Variants in NTM observed in about 807,000 individuals in gnomAD.
NTM encodes the protein neurotrimin, also known as IgLON family member 2.
In NTM, 13 loss-of-function variants were observed where a neutral mutation model predicts 42.1. That is an observed-to-expected ratio of 0.31 (90% CI 0.20 to 0.49). NTM has a LOEUF of 0.49. NTM is among the 20% of genes least tolerant of loss of function. The pLI is 0.99. For synonymous variants in NTM, 187 were observed against 179.2 expected (o/e 1.04, Z -0.35); for missense variants, 373 against 452.8 (o/e 0.82, Z 1.60).
chr11:131,643,042 A>T (rs1334006632), intron 1 of NTM, among the ~76,000 whole-genome samples: 1 of 140,382 alleles, frequency 7.1e-6, no homozygotes, highest in Non-Finnish European at 1.5e-5. Flanking sequence ...CACTTAAAGG[A>T]AAAAGAATGA....
At chr11:131,451,761 A>C (rs2136048888) in intron 1 of NTM, among the ~76,000 whole-genome samples, 1 of 151,830 alleles carries the variant, frequency 6.6e-6, no homozygotes, top group Admixed American at 6.5e-5. Context: ...TGATCTGGAG[A>C]CCCTGGGGTC....
rs141448220 is a variant in NTM at position 131,371,530 on chromosome 11, C to A, written c.82+642C>A. Reference sequence around the variant, plus strand: ...GCCGGGGCTCTGAAATTCTAAAAAGCTTTTCGAAGTTGAAGGGAGAGAGGC... The same window carrying A: ...GCCGGGGCTCTGAAATTCTAAAAAGATTTTCGAAGTTGAAGGGAGAGAGGC... On this transcript the variant is annotated intron_variant, in intron 1 of 8. Transcript: ENST00000683400. 2.6e-5 allele frequency among the ~76,000 whole-genome samples: 4 copies of A among 152,218 alleles called. No individual in the cohort carries two copies. The East Asian group carries it at 7.7e-4, about 29-fold the overall frequency.
Position 131,963,365 on chromosome 11 carries a change from A to G in NTM, c.167+51717A>G, listed in dbSNP as rs537742267. ...TAATGGACTGCAAGTAAACCTGCTC[A>G]ACTTTTGCCTGGGAGGGAAATATTA... On this transcript the variant is annotated intron_variant, in intron 2 of 8. Coordinates refer to ENST00000683400, the MANE Select transcript of NTM (RefSeq NM_001352005.2). Among the ~76,000 whole-genome samples, 10 of 152,300 alleles carry G rather than the reference A, an allele frequency of 6.6e-5. No individual in the cohort carries two copies. In the South Asian group the frequency reaches 2.1e-3, roughly 32 times the overall value.
intron 1 of NTM, among the ~76,000 whole-genome samples, chr11:131,687,897 T>C (rs939781687): frequency 6.6e-6 from 1 of 152,112 alleles, no homozygotes; most frequent in African/African-American, 2.4e-5. Flanking sequence ...ATCCCCTTGG[T>C]GCCGAATGTG....
rs142432156 is a variant in NTM, at chr11:132,160,320, A to G, written c.400+13806A>G. Among the ~76,000 whole-genome samples, 1,397 of 152,330 alleles carry G rather than the reference A, an allele frequency of 9.2e-3. 14 individuals carry two copies. Among genetic ancestry groups the G allele is most frequent in the Middle Eastern group, 0.031 (9 of 294 alleles). ...ACAGGTGACAGCTAATGCACCAGGA[A>G]GTGCCCTCAAGGGTCAGCCTTGGCC... On this transcript the variant is annotated intron_variant, in intron 3 of 8. Coordinates refer to ENST00000683400, the MANE Select transcript of NTM (RefSeq NM_001352005.2).
At chr11:132,266,382 G>A (rs140964697) in intron 4 of NTM, among the ~76,000 whole-genome samples, 2 of 152,288 alleles carry the variant, frequency 1.3e-5, no homozygotes, top group Non-Finnish European at 2.9e-5. Context: ...CCTAGTAGTG[G>A]CATCTGAGGC....
intron 2 of NTM, among the ~76,000 whole-genome samples, chr11:132,058,078 C>T (rs1373545739): frequency 6.6e-6 from 1 of 152,134 alleles, no homozygotes; most frequent in Non-Finnish European, 1.5e-5. Flanking sequence ...GCTCTGATCC[C>T]TCTGATTTGA....
At chr11:132,264,690 C>T (rs902908399) in intron 4 of NTM, among the ~76,000 whole-genome samples, 3 of 152,196 alleles carry the variant, frequency 2.0e-5, no homozygotes, top group African/African-American at 7.2e-5. Context: ...TCCTCCCAGG[C>T]ATATCACATG....
chr11:131,629,335 G>C (rs941081054), intron 1 of NTM, among the ~76,000 whole-genome samples: 2 of 152,114 alleles, frequency 1.3e-5, no homozygotes, highest in African/African-American at 2.4e-5. Flanking sequence ...TGATAGAATG[G>C]AGTCAGGCTT....
chr11:132,104,935 A>ATGTGTG lies in NTM; in HGVS notation c.168-41344_168-41343insGTGTGT, dbSNP rs202203556. On this transcript the variant is annotated intron_variant, in intron 2 of 8. Transcript: ENST00000683400. Reference sequence around the variant, plus strand: ...CCTCTCTCTCTCTCCATATATACATATGTATATATATATATATATATATAT... The same window carrying ATGTGTG: ...CCTCTCTCTCTCTCCATATATACATATGTGTGTGTATATATATATATATATATATAT... 8.4e-3 allele frequency among the ~76,000 whole-genome samples: 168 copies of ATGTGTG among 19,992 alleles called. 7 individuals are homozygous for ATGTGTG. Among genetic ancestry groups the ATGTGTG allele is most frequent in the African/African-American group, 0.023 (120 of 5,252 alleles). The allele number at this position is 19,992 out of a possible 152,430, so 13.1% of individuals were successfully genotyped here. A position where few individuals can be genotyped will look rare whatever the true frequency, so the allele number is the denominator to read the frequency against.
At chr11:131,413,828 A>G (rs1055755400) in intron 1 of NTM, among the ~76,000 whole-genome samples, 1 of 152,202 alleles carries the variant, frequency 6.6e-6, no homozygotes, top group Admixed American at 6.5e-5. Context: ...AAAGGCAGGA[A>G]AAATGAGTCC....
chr11:132,259,505 C>T (rs1566599827), intron 4 of NTM, among the ~76,000 whole-genome samples: 2 of 151,872 alleles, frequency 1.3e-5, no homozygotes. Flanking sequence ...CATGGTGAAA[C>T]ACCATCTCTA....
At chr11:132,317,775 A>G in intron 7 of NTM, 1 of 770,002 alleles carries the variant, frequency 1.3e-6, no homozygotes, top group East Asian at 6.5e-5. Context: ...TACCCGAAGC[A>G]CTTGTCTGTA....
intron 2 of NTM, among the ~76,000 whole-genome samples, chr11:132,088,783 G>A (rs182250680): frequency 6.6e-6 from 1 of 152,302 alleles, no homozygotes. Context: ...GTGGGTCAGA[G>A]GTTCTCTGAG....
Position 131,722,474 on chromosome 11 carries a change from CACTT to C in NTM, c.83-189085_83-189082del, listed in dbSNP as rs140086146. On this transcript the variant is annotated intron_variant, in intron 1 of 8. Coordinates refer to ENST00000683400, the MANE Select transcript of NTM (RefSeq NM_001352005.2). ...TTCTTCAAGCACATAAATGATTGAA[CACTT>C]ACTTTAATTCAGAAACATGCAGAAC... Among the ~76,000 whole-genome samples the C allele has an allele frequency of 5.2e-3, 797 of 152,352 alleles. 5 individuals are homozygous for C. The highest frequency in any genetic ancestry group is 8.9e-3 in the Non-Finnish European group (604 of 68,028).
intron 1 of NTM, among the ~76,000 whole-genome samples, chr11:131,523,132 A>G (rs1439113229): frequency 6.6e-6 from 1 of 152,206 alleles, no homozygotes; most frequent in Non-Finnish European, 1.5e-5. Context: ...TGGATTGGCC[A>G]TTCTTTCTGC....
At chr11:132,057,189 A>G (rs2079832270) in intron 2 of NTM, among the ~76,000 whole-genome samples, 1 of 152,222 alleles carries the variant, frequency 6.6e-6, no homozygotes, top group South Asian at 2.1e-4. Flanking sequence ...TCAGCTGTAA[A>G]GGAAAAGAAA....
chr11:132,068,424 G>C (rs1566072140), intron 2 of NTM, among the ~76,000 whole-genome samples: 1 of 151,890 alleles, frequency 6.6e-6, no homozygotes, highest in Non-Finnish European at 1.5e-5. Flanking sequence ...TTCTGCTTCT[G>C]TATAACAAAA....
At chr11:131,731,010 T>A (rs1361067231) in intron 1 of NTM, among the ~76,000 whole-genome samples, 1 of 152,214 alleles carries the variant, frequency 6.6e-6, no homozygotes, top group Non-Finnish European at 1.5e-5. Context: ...CGAGGCTGCT[T>A]TTTTTTCTTA....
Sources: allele counts gnomAD v4.1 joint callset (sites outside exome capture counted in the v4.1 genomes callset), GRCh38; gene constraint gnomAD v4.1.1; transcripts MANE v1.5; gene names NCBI Gene and HGNC (gene_info 2026-07-23, HGNC 2026-07-21).